Variants in CACNA1C observed in about 807,000 individuals in gnomAD.
CACNA1C encodes voltage-dependent L-type calcium channel subunit alpha-1C.
In CACNA1C, 30 loss-of-function variants were observed where a neutral mutation model predicts 229.0. The ratio of observed to expected loss-of-function variants is 0.13; its 90% confidence interval spans 0.10 to 0.18. The LOEUF (loss-of-function observed/expected upper bound fraction) is 0.18. Among genes scored for constraint, CACNA1C ranks in the 10% least tolerant of loss-of-function variants. The pLI is 1.00. For missense variants in CACNA1C, 1,658 were observed against 2,845.0 expected (o/e 0.58, Z 9.49); for synonymous variants, 1,114 against 1,132.5 (o/e 0.98, Z 0.33).
chr12:2,688,962 A>T (rs1232689605), intron 46 of CACNA1C, among the ~76,000 whole-genome samples, 183 bp downstream of exon 46: 1 of 152,174 alleles, frequency 6.6e-6, no homozygotes, highest in Non-Finnish European at 1.5e-5. Flanking sequence ...ACTGCACAAG[A>T]TGCTATGGGC....
intron 3 of CACNA1C, among the ~76,000 whole-genome samples, chr12:2,396,534 G>A (rs547709013): frequency 1.3e-5 from 2 of 152,272 alleles, no homozygotes; most frequent in East Asian, 3.9e-4. Context: ...ATTCAGCTAA[G>A]CAGTGGCTTG....
intron 3 of CACNA1C, among the ~76,000 whole-genome samples, chr12:2,185,280 C>T (rs202165020): frequency 6.6e-6 from 1 of 152,212 alleles, no homozygotes; most frequent in East Asian, 1.9e-4. Flanking sequence ...GTCCTTCCTC[C>T]AGCCTGGAGC....
chr12:2,477,179 A>G (rs1312570656), intron 5 of CACNA1C, among the ~76,000 whole-genome samples: 1 of 152,224 alleles, frequency 6.6e-6, no homozygotes, highest in African/African-American at 2.4e-5. Flanking sequence ...AACATGATTC[A>G]TGGAGATCAG....
At chr12:2,661,655 A>G (rs1424059368) in intron 34 of CACNA1C, among the ~76,000 whole-genome samples, 2 of 152,208 alleles carry the variant, frequency 1.3e-5, no homozygotes, top group Non-Finnish European at 2.9e-5. Context: ...TAAGACTAAT[A>G]TAAAGCTAAT....
At chr12:2,471,773 C>G (rs899437506) in intron 5 of CACNA1C, among the ~76,000 whole-genome samples, 2 of 152,150 alleles carry the variant, frequency 1.3e-5, no homozygotes, top group African/African-American at 4.8e-5. Context: ...ACCTCCGCCT[C>G]CTGGGTTCAA....
At chr12:2,394,420 T>A (rs1313312000) in intron 3 of CACNA1C, among the ~76,000 whole-genome samples, 1 of 152,264 alleles carries the variant, frequency 6.6e-6, no homozygotes, top group Non-Finnish European at 1.5e-5. Context: ...AGATGTAGAA[T>A]AAATTTGAGC....
chr12:2,298,359 C>T (rs1566936276), intron 3 of CACNA1C, among the ~76,000 whole-genome samples: 1 of 152,024 alleles, frequency 6.6e-6, no homozygotes, highest in Admixed American at 6.5e-5. Context: ...AGTGCAGTGG[C>T]ACAATCTCGG....
chr12:2,099,310 C>T (rs1397859239), intron 1 of CACNA1C, among the ~76,000 whole-genome samples: 1 of 152,236 alleles, frequency 6.6e-6, no homozygotes, highest in Non-Finnish European at 1.5e-5. Context: ...TGCAGAGAAC[C>T]ACAGTTGGAA....
rs1375544037 is a variant in CACNA1C at position 2,694,173 on chromosome 12, G to A, written c.*2974G>A. 2 of 152,224 alleles carry A rather than the reference G, an allele frequency of 1.3e-5. No homozygotes were observed. Among genetic ancestry groups the A allele is most frequent in the Non-Finnish European group, 2.9e-5 (2 of 68,060 alleles). The allele number at this position is 152,224 out of a possible 1,614,324, so 9.4% of individuals were successfully genotyped here. A position where few individuals can be genotyped will look rare whatever the true frequency, so the allele number is the denominator to read the frequency against. On this transcript the variant is annotated 3_prime_UTR_variant, in exon 47 of 47. Coordinates refer to ENST00000399655, the MANE Select transcript of CACNA1C (RefSeq NM_000719.7). ...GAGGACTATCCTAGCTTGACCTTCT[G>A]ATCCACTAGAATAAGACTGGCGTAT...
intron 29 of CACNA1C, among the ~76,000 whole-genome samples, chr12:2,616,907 G>A (rs570299376): frequency 5.9e-5 from 9 of 152,216 alleles, no homozygotes; most frequent in Non-Finnish European, 1.0e-4. Flanking sequence ...TGCTGGGCCC[G>A]ACAGGCCTTA....
chr12:2,633,750 T>C lies in CACNA1C; in HGVS notation c.3829-547T>C. On this transcript the variant is annotated intron_variant, in intron 29 of 46. Transcript: ENST00000399655. This position sits in a 1 kb window ranked among gnomAD's most constrained non-coding sequence, Gnocchi z 5.8. ...CTGCCCTCCCCAGGAAACCTCCTCA[T>C]TCCTCCTCCTCTGCCTCGTCTATTT... is the stretch of plus-strand genomic sequence containing the variant. 1 of 1,048,024 alleles carries C rather than the reference T, an allele frequency of 9.5e-7. No homozygotes were observed. The highest frequency in any genetic ancestry group is 1.5e-6 in the Non-Finnish European group (1 of 664,936). 64.9% of individuals were successfully genotyped at this position (1,048,024 alleles called of 1,614,324 possible). A position where few individuals can be genotyped will look rare whatever the true frequency, so the allele number is the denominator to read the frequency against.
Position 2,403,153 on chromosome 12 carries a change from A to G in CACNA1C, c.478-45823A>G, listed in dbSNP as rs2098698498. 6.6e-6 allele frequency among the ~76,000 whole-genome samples: 1 copy of G among 152,142 alleles called. No individual in the cohort carries two copies. The highest frequency in any genetic ancestry group is 2.4e-5 in the African/African-American group (1 of 41,420). On this transcript the variant is annotated intron_variant, in intron 3 of 46. Coordinates refer to ENST00000399655, the MANE Select transcript of CACNA1C (RefSeq NM_000719.7). This position sits in a 1 kb window ranked among gnomAD's most constrained non-coding sequence, Gnocchi z 4.1. Reference sequence around the variant, plus strand: ...GAGGGTCAACCACAGTCTTCCCAACATTTCCTGGAGGTCAACCTGCTTTTA... The same window carrying G: ...GAGGGTCAACCACAGTCTTCCCAACGTTTCCTGGAGGTCAACCTGCTTTTA...
chr12:2,510,066 T>C (rs1465154190), intron 8 of CACNA1C, among the ~76,000 whole-genome samples: 1 of 152,220 alleles, frequency 6.6e-6, no homozygotes, highest in Non-Finnish European at 1.5e-5. Context: ...CCCTGGCCCC[T>C]GGCTCTCCAC....
At chr12:2,441,613 A>G (rs2099227491) in intron 3 of CACNA1C, among the ~76,000 whole-genome samples, 1 of 152,216 alleles carries the variant, frequency 6.6e-6, no homozygotes, top group South Asian at 2.1e-4. Flanking sequence ...TCGCCATAGC[A>G]TCTTGGAGGG....
intron 3 of CACNA1C, among the ~76,000 whole-genome samples, chr12:2,255,802 T>C (rs76771346): frequency 6.3e-5 from 1 of 15,884 alleles, no homozygotes; most frequent in Non-Finnish European, 1.4e-4. Flanking sequence ...ACCCTGACCT[T>C]ACTAGTTTAC....
intron 8 of CACNA1C, among the ~76,000 whole-genome samples, chr12:2,511,315 C>A (rs2099783212): frequency 6.6e-6 from 1 of 152,198 alleles, no homozygotes; most frequent in Admixed American, 6.5e-5. Flanking sequence ...CCAAGTGGCA[C>A]AGGCCAAATG....
intron 1 of CACNA1C, among the ~76,000 whole-genome samples, chr12:2,060,663 A>G (rs1340734926): frequency 6.6e-6 from 1 of 152,238 alleles, no homozygotes; most frequent in African/African-American, 2.4e-5. Context: ...GGAGGAAGCC[A>G]TCATTTCAGA....
intron 4 of CACNA1C, among the ~76,000 whole-genome samples, chr12:2,452,338 G>A (rs770664934): frequency 3.3e-5 from 5 of 152,270 alleles, no homozygotes; most frequent in East Asian, 1.9e-4. Flanking sequence ...TGCCCCTACC[G>A]AGGGACCGTG....
chr12:2,030,304 T>C (rs2048010560), intron 1 of CACNA1C, among the ~76,000 whole-genome samples: 1 of 152,232 alleles, frequency 6.6e-6, no homozygotes, highest in Non-Finnish European at 1.5e-5. Flanking sequence ...TCTGGCATCC[T>C]TCCTTGGAAT....
Sources: gnomAD v4.1 joint callset for allele counts (sites outside exome capture counted in the v4.1 genomes callset) on GRCh38, gnomAD v4.1.1 for gene constraint, Gnocchi (gnomAD v3.1) non-coding constraint, MANE v1.5 for transcripts, NCBI Gene and HGNC (gene_info 2026-07-23, HGNC 2026-07-21) for gene names.